RIF1: variants seen among roughly 807,000 people sequenced by gnomAD.
RIF1 encodes replication timing regulatory factor 1, also known as telomere-associated protein RIF1.
RIF1 carries 45 observed loss-of-function variants against 247.1 expected under a neutral mutation model. That is an observed-to-expected ratio of 0.18 (90% CI 0.14 to 0.23). RIF1 has a LOEUF of 0.23. Among genes scored for constraint, RIF1 ranks in the 10% least tolerant of loss-of-function variants. The pLI is 1.00. For synonymous variants in RIF1, 1,087 were observed against 978.8 expected, an observed-to-expected ratio of 1.11 and a Z score of -2.06; for missense variants, 2,967 against 2,862.5, an observed-to-expected ratio of 1.04 and a Z score of -0.83.
chr2:151,464,375 T>G lies in RIF1; in HGVS notation c.4855T>G (p.Cys1619Gly), dbSNP rs1246326799. 8 of 1,609,674 alleles carry G rather than the reference T, an allele frequency of 5.0e-6. No homozygotes were observed. The highest frequency in any genetic ancestry group is 6.8e-6 in the Non-Finnish European group (8 of 1,178,870). ...AGATGTAAGCATAAAATCTCCGATT[T>G]GCGAAAAACAAGATGAAAGTAATAC... Reference protein sequence around the residue: ...EEDVSIKSPICEKQDESNTVI... With the variant: ...EEDVSIKSPIGEKQDESNTVI... The change falls in exon 30 of 36, where the codon TGC becomes GGC. Residue 1619 changes from cysteine to glycine, a missense_variant. Physicochemically the swap from Cys to Gly is radical, Grantham distance 159. This residue lies in a region of RIF1 where 2,028 missense variants were observed against 1,825.6 expected (regional missense o/e 1.11). Transcript: ENST00000444746.
In RIF1 at chr2:151,463,425, C is replaced by T; in HGVS notation, c.3905C>T (p.Ser1302Phe). The change falls in exon 30 of 36, where the codon TCT (serine) becomes TTT (phenylalanine). Residue 1302 changes from serine to phenylalanine, a missense_variant. By Grantham distance (155) the Ser-to-Phe change is radical. Coordinates refer to ENST00000444746, the MANE Select transcript of RIF1 (RefSeq NM_018151.5). ...GCTGAACAAACAGGGAATAAAAGGT[C>T]TAAGCCCTTAATGAGATCTGAGCCG... ...GKAEQTGNKR[S>F]KPLMRSEPEK... 1 of 1,613,924 alleles carries T rather than the reference C, an allele frequency of 6.2e-7. No individual in the cohort carries two copies. Among genetic ancestry groups the T allele is most frequent in the Non-Finnish European group, 8.5e-7 (1 of 1,179,932 alleles).
chr2:151,414,890 A>C lies in RIF1; in HGVS notation c.251A>C (p.Tyr84Ser), dbSNP rs776456531. The C allele has an allele frequency of 6.2e-7, 1 of 1,612,310 alleles. No individual in the cohort carries two copies. The highest frequency in any genetic ancestry group is 1.3e-5 in the African/African-American group (1 of 75,006). The change falls in exon 4 of 36, where the codon TAT becomes TCT. Residue 84 changes from tyrosine (Y) to serine (S), a missense_variant. By Grantham distance (144) the Tyr-to-Ser change is moderately radical. Transcript: ENST00000444746. ...CTACAAGCCCTGGGGTTTTGCTTAT[A>C]TAATCCCAAAATTACCTCAGAATTA... ...AALQALGFCL[Y>S]NPKITSELSE...
intron 11 of RIF1, among the ~76,000 whole-genome samples, chr2:151,501,076 A>AAAG (rs1288270253): frequency 5.3e-5 from 8 of 152,224 alleles, no homozygotes; most frequent in Non-Finnish European, 1.0e-4. Flanking sequence ...CATCAGATAA[A>AAAG]AAGAGTTCCA....
At chr2:151,459,356 A>G (rs374193615) in intron 25 of RIF1, among the ~76,000 whole-genome samples, 1 of 152,234 alleles carries the variant, frequency 6.6e-6, no homozygotes, top group African/African-American at 2.4e-5. Context: ...GCCTGAAGAT[A>G]TAGTAGTTAA....
the RIF1 span, chr2:151,531,982 G>T: frequency 1.3e-6 from 1 of 754,744 alleles, no homozygotes. Flanking sequence ...ACACCAGAGT[G>T]GGAGATGGTA....
At chr2:151,456,925 G>T (rs140122348) in intron 23 of RIF1, among the ~76,000 whole-genome samples, 4,535 of 152,046 alleles carry the variant, frequency 0.03, 125 homozygotes, top group East Asian at 0.14. Context: ...GTAGAGACAG[G>T]GTTTCACCAT....
chr2:151,515,513 T>G, the RIF1 span, among the ~76,000 whole-genome samples: 1 of 152,076 alleles, frequency 6.6e-6, no homozygotes. Flanking sequence ...ACACTGAGTT[T>G]TGACCTGTTT....
At chr2:151,454,186 A>G (rs1204309248) in intron 21 of RIF1, among the ~76,000 whole-genome samples, 2 of 152,158 alleles carry the variant, frequency 1.3e-5, no homozygotes, top group Non-Finnish European at 2.9e-5. Context: ...TTTTCTGTTA[A>G]ATTTGAGATC....
chr2:151,436,736 T>G (rs1458199591), intron 11 of RIF1, 91 bp from the exon 12 acceptor site: 1 of 946,786 alleles, frequency 1.1e-6, no homozygotes, highest in Non-Finnish European at 1.5e-6. Flanking sequence ...ACTCTGTTTT[T>G]AAAAGTTTCA....
chr2:151,484,133 G>A (rs2049337960), downstream of RIF1, among the ~76,000 whole-genome samples: 1 of 152,156 alleles, frequency 6.6e-6, no homozygotes, highest in African/African-American at 2.4e-5. Flanking sequence ...TTCATGGTTG[G>A]TTGAATTTGT....
intron 3 of RIF1, 49 bp from the exon 4 acceptor site, chr2:151,414,774 T>A: frequency 7.6e-7 from 1 of 1,323,984 alleles, no homozygotes; most frequent in Non-Finnish European, 1.1e-6. Context: ...TTCTAAAAAT[T>A]GATTTACAGT....
chr2:151,494,142 T>G, intron 9 of RIF1: 1 of 1,582,212 alleles, frequency 6.3e-7, no homozygotes, highest in Non-Finnish European at 8.6e-7. Context: ...AAAAGCACTT[T>G]TGTTTCTCAA....
chr2:151,533,551 C>G, the RIF1 span: 2 of 1,537,330 alleles, frequency 1.3e-6, no homozygotes, highest in South Asian at 2.4e-5. Flanking sequence ...TTTTCTCTGT[C>G]CATGCAAAGA....
the RIF1 span, chr2:151,513,838 G>A: frequency 1.1e-5 from 7 of 650,918 alleles, no homozygotes; most frequent in Non-Finnish European, 1.9e-5. Flanking sequence ...TCGCTCTTCC[G>A]TGTGGTAGGA....
At chr2:151,484,871 G>C (rs1427013315), downstream of RIF1, among the ~76,000 whole-genome samples, 1 of 152,212 alleles carries the variant, frequency 6.6e-6, no homozygotes, top group Admixed American at 6.5e-5. Context: ...GCCTGGCATA[G>C]AGGTGTACGT....
chr2:151,533,593 A>G, the RIF1 span: 1 of 1,249,066 alleles, frequency 8.0e-7, no homozygotes, highest in South Asian at 1.3e-5. Flanking sequence ...TTATGAAGAC[A>G]GAAAAGAACA....
Position 151,436,844 on chromosome 2 carries a change from G to A in RIF1, c.1213G>A (p.Gly405Arg), listed in dbSNP as rs765060891. Residue 405 changes from glycine (G) to arginine (R), a missense_variant, in exon 12 of 36, where the codon GGA becomes AGA. Gly to Arg is a moderately radical substitution (Grantham distance 125). This residue lies in a region of RIF1 where 369 missense variants were observed against 322.0 expected (regional missense o/e 1.15). Coordinates refer to ENST00000444746, the MANE Select transcript of RIF1 (RefSeq NM_018151.5). Reference protein sequence around the residue: ...PVHKGASSPYGAPGTPRMNLS... With the variant: ...PVHKGASSPYRAPGTPRMNLS... Reference sequence around the variant, plus strand: ...TCTTAAAGGTGCTTCCTCCCCGTACGGAGCCCCGGGAACTCCCCGAATGAA... The same window carrying A: ...TCTTAAAGGTGCTTCCTCCCCGTACAGAGCCCCGGGAACTCCCCGAATGAA... The A allele has an allele frequency of 3.0e-5, 48 of 1,597,986 alleles. No homozygotes were observed. In the South Asian group the frequency reaches 4.1e-4, roughly 14 times the overall value.
chr2:151,417,148 A>G (rs930995140), intron 6 of RIF1, among the ~76,000 whole-genome samples: 2 of 152,232 alleles, frequency 1.3e-5, no homozygotes, highest in African/African-American at 4.8e-5. Context: ...TGCTAGTAAC[A>G]TACACAGTTC....
At position 151,436,791 on chromosome 2, in the gene RIF1, T is replaced by G. The variant is rs184064784; in HGVS notation, c.1196-36T>G. On this transcript the variant is annotated intron_variant, in intron 11 of 35. Transcript: ENST00000444746. The stretch of plus-strand genomic sequence containing the variant: ...TTTGGGTAGCTAATATAAAATGAGC[T>G]TGTATGACTTAACTCTTTTTTTTTT... 6 of 1,480,530 alleles carry G rather than the reference T, an allele frequency of 4.1e-6. No individual in the cohort carries two copies. In the Admixed American group the frequency reaches 1.2e-4, roughly 30 times the overall value. The allele number at this position is 1,480,530 out of a possible 1,614,324, so 91.7% of individuals were successfully genotyped here.
Sources: allele counts gnomAD v4.1 joint callset (sites outside exome capture counted in the v4.1 genomes callset), GRCh38; gene constraint gnomAD v4.1.1; regional missense constraint gnomAD v4.1.1; transcripts MANE v1.5; gene names NCBI Gene and HGNC (gene_info 2026-07-23, HGNC 2026-07-21).